The following GALNTL6 variants were observed in gnomAD, a reference collection of about 807,000 sequenced individuals.
GALNTL6 encodes polypeptide N-acetylgalactosaminyltransferase like 6, also known as polypeptide N-acetylgalactosaminyltransferase-like 6.
Under a neutral mutation model 73.7 loss-of-function variants are expected in GALNTL6, and 46 were observed. The observed-to-expected ratio is 0.62, with a 90% CI of 0.49 to 0.80. The LOEUF is 0.80. Among genes scored for constraint, GALNTL6 ranks in the 30% least tolerant of loss-of-function variants. GALNTL6 has a pLI of 0.00. For missense variants in GALNTL6, 604 were observed against 755.0 expected, an observed-to-expected ratio of 0.80 and a Z score of 2.34; for synonymous variants, 259 against 263.7, an observed-to-expected ratio of 0.98 and a Z score of 0.17.
In GALNTL6 at chr4:172,542,600, C is replaced by T. The variant is rs111383015; in HGVS notation, c.553+193911C>T. 6.7e-3 allele frequency among the ~76,000 whole-genome samples: 1,015 copies of T among 152,254 alleles called. 12 individuals carry two copies. Among genetic ancestry groups the T allele is most frequent in the African/African-American group, 0.023 (944 of 41,560 alleles). On this transcript the variant is annotated intron_variant, in intron 5 of 12. Transcript: ENST00000506823. ...GAGGGGAGCCCTCTGCTACCCTGCT[C>T]ATGCCTGACTAGCTACATACTCTAA...
chr4:172,796,043 ATGAACAGTGAT>A lies in GALNTL6; in HGVS notation c.554-13303_554-13293del, dbSNP rs1309384333. ...ATAAACCTACACAAAACAGGAAAAT[ATGAACAGTGAT>A]TGAACAGTGATTGACTTTGAGTGAT... On this transcript the variant is annotated intron_variant, in intron 5 of 12. Coordinates refer to ENST00000506823, the MANE Select transcript of GALNTL6 (RefSeq NM_001034845.3). 5.9e-5 allele frequency among the ~76,000 whole-genome samples: 9 copies of A among 151,802 alleles called. No homozygotes were observed. In the South Asian group the frequency reaches 1.0e-3, roughly 17 times the overall value.
intron 2 of GALNTL6, among the ~76,000 whole-genome samples, chr4:171,962,381 T>C (rs1370676579): frequency 2.0e-5 from 3 of 152,126 alleles, no homozygotes; most frequent in Non-Finnish European, 4.4e-5. Flanking sequence ...CACAAAGACA[T>C]GGCTGATAAA....
chr4:172,833,644 C>A (rs915415376), intron 7 of GALNTL6, among the ~76,000 whole-genome samples: 2 of 152,192 alleles, frequency 1.3e-5, no homozygotes, highest in African/African-American at 4.8e-5. Context: ...TTTAGGTTAT[C>A]ATTCTCTCCT....
chr4:172,432,845 A>T (rs1262254938), intron 5 of GALNTL6, among the ~76,000 whole-genome samples: 1 of 152,288 alleles, frequency 6.6e-6, no homozygotes, highest in East Asian at 1.9e-4. Context: ...TCAACAGATT[A>T]TCTCTCAAAC....
At chr4:172,179,908 A>C (rs1443959939) in intron 2 of GALNTL6, among the ~76,000 whole-genome samples, 1 of 152,158 alleles carries the variant, frequency 6.6e-6, no homozygotes, top group Non-Finnish European at 1.5e-5. Context: ...ATAAACATAC[A>C]TGTGCATGTG....
At chr4:172,386,852 A>G (rs150769336) in intron 5 of GALNTL6, among the ~76,000 whole-genome samples, 3 of 152,060 alleles carry the variant, frequency 2.0e-5, no homozygotes, top group Non-Finnish European at 4.4e-5. Flanking sequence ...GATCTTTGCC[A>G]CTCAACCTAC....
intron 5 of GALNTL6, among the ~76,000 whole-genome samples, chr4:172,498,750 C>G (rs749067897): frequency 1.1e-4 from 16 of 152,080 alleles, no homozygotes; most frequent in Non-Finnish European, 2.2e-4. Context: ...GAGCTTAGTT[C>G]TATGATCAAC....
chr4:172,733,931 A>C (rs1315211577), intron 5 of GALNTL6, among the ~76,000 whole-genome samples: 1 of 152,206 alleles, frequency 6.6e-6, no homozygotes, highest in Non-Finnish European at 1.5e-5. Context: ...AGGTTGGAAA[A>C]GTTTGGAGGG....
chr4:171,986,397 C>T (rs1397115182), intron 2 of GALNTL6, among the ~76,000 whole-genome samples: 6 of 151,954 alleles, frequency 3.9e-5, no homozygotes, highest in Admixed American at 6.6e-5. Flanking sequence ...GGCAGGAACC[C>T]GCCATCTGGA....
chr4:172,238,339 G>A (rs1737310544), intron 3 of GALNTL6, among the ~76,000 whole-genome samples: 2 of 151,934 alleles, frequency 1.3e-5, no homozygotes, highest in Non-Finnish European at 2.9e-5. Flanking sequence ...TTTATTCCTA[G>A]GTATTTTATC....
intron 12 of GALNTL6, among the ~76,000 whole-genome samples, chr4:173,024,136 C>A (rs943192011): frequency 6.6e-6 from 1 of 152,034 alleles, no homozygotes; most frequent in Non-Finnish European, 1.5e-5. Context: ...CACAGAGCTC[C>A]TGGGGAGAAA....
intron 3 of GALNTL6, among the ~76,000 whole-genome samples, chr4:172,295,647 G>A (rs565423325): frequency 1.5e-5 from 2 of 137,350 alleles, no homozygotes; most frequent in South Asian, 2.3e-4. Flanking sequence ...TACTGCCTTG[G>A]ATTTGTAGGT....
chr4:172,010,293 G>C (rs1876070), intron 2 of GALNTL6, among the ~76,000 whole-genome samples: 130,985 of 151,796 alleles, frequency 0.86, 58,358 homozygotes, highest in South Asian at 0.98. Context: ...TCTAAGAAAA[G>C]TGTTCATTAA....
At chr4:172,829,811 G>GA (rs564193642) in intron 7 of GALNTL6, among the ~76,000 whole-genome samples, 69 of 152,250 alleles carry the variant, frequency 4.5e-4, no homozygotes, top group Admixed American at 3.9e-3. Flanking sequence ...TTGGTCTGAT[G>GA]AATACTTTCT....
chr4:172,069,522 G>GTATGACACATATGTTATA lies in GALNTL6; in HGVS notation c.139-160131_139-160130insGACACATATGTTATATAT, dbSNP rs1731461334. 2.1e-4 allele frequency among the ~76,000 whole-genome samples: 12 copies of GTATGACACATATGTTATA among 56,032 alleles called. 2 individuals are homozygous for GTATGACACATATGTTATA. The highest frequency in any genetic ancestry group is 9.8e-4 in the Admixed American group (5 of 5,090). The allele number at this position is 56,032 out of a possible 152,430, so 36.8% of individuals were successfully genotyped here. On this transcript the variant is annotated intron_variant, in intron 2 of 12. Transcript: ENST00000506823. ...TATGTATAACACATATATGTTATATGTATAACACATATATTATATATAACA... is the reference window on the plus strand; with the variant it reads ...TATGTATAACACATATATGTTATATGTATGACACATATGTTATATATAACACATATATTATATATAACA...
At chr4:171,923,855 T>A (rs1043087494) in intron 2 of GALNTL6, among the ~76,000 whole-genome samples, 1 of 150,108 alleles carries the variant, frequency 6.7e-6, no homozygotes, top group Admixed American at 6.7e-5. Context: ...CTTGTTTTTA[T>A]AAAATTTTCA....
chr4:171,828,306 G>C (rs1053675729), intron 2 of GALNTL6, among the ~76,000 whole-genome samples: 2 of 152,030 alleles, frequency 1.3e-5, no homozygotes, highest in South Asian at 4.1e-4. Flanking sequence ...CTAGTAAATC[G>C]CTATCTCAGT....
chr4:172,403,107 T>TA (rs35142010), intron 5 of GALNTL6, among the ~76,000 whole-genome samples: 96 of 152,156 alleles, frequency 6.3e-4, no homozygotes, highest in Middle Eastern at 3.4e-3. Context: ...TGTTCAAAGA[T>TA]ATGGCATTGT....
chr4:172,536,726 A>G (rs571117808), intron 5 of GALNTL6, among the ~76,000 whole-genome samples: 1 of 152,354 alleles, frequency 6.6e-6, no homozygotes, highest in South Asian at 2.1e-4. Context: ...TATGTTTAAA[A>G]GGGAAGCAAA....
Sources: allele counts gnomAD v4.1 joint callset (sites outside exome capture counted in the v4.1 genomes callset), GRCh38; gene constraint gnomAD v4.1.1; transcripts MANE v1.5; gene names NCBI Gene and HGNC (gene_info 2026-07-23, HGNC 2026-07-21).